CPM: variants seen among roughly 807,000 people sequenced by gnomAD.
CPM encodes the protein renal carboxypeptidase.
Under a neutral mutation model 46.4 loss-of-function variants are expected in CPM, and 35 were observed. The ratio of observed to expected loss-of-function variants is 0.75; its 90% CI spans 0.58 to 1.00. CPM has a LOEUF of 1.00. Among genes scored for constraint, CPM ranks in the 50% least tolerant of loss-of-function variants. The probability of loss-of-function intolerance (pLI) is 0.00; values close to 1 mark genes in which losing one functional copy is unlikely to be tolerated. For missense variants in CPM, 422 were observed against 530.4 expected (o/e 0.80, Z 2.01); for synonymous variants, 195 against 195.3 (o/e 1.00, Z 0.01).
chr12:68,935,955 T>A (rs1888667041), upstream of CPM, among the ~76,000 whole-genome samples: 1 of 152,094 alleles, frequency 6.6e-6, no homozygotes, highest in Non-Finnish European at 1.5e-5. Context: ...GGAATGGAGA[T>A]TGCCAGGATT....
intron 2 of CPM, among the ~76,000 whole-genome samples, chr12:68,918,058 C>T (rs561150903): frequency 1.2e-4 from 18 of 152,282 alleles, no homozygotes; most frequent in African/African-American, 3.6e-4. Context: ...TATATTGAGT[C>T]GTGAGTGAGT....
intron 1 of CPM, among the ~76,000 whole-genome samples, chr12:68,962,105 C>T (rs868381012): frequency 2.0e-5 from 3 of 150,298 alleles, no homozygotes; most frequent in Admixed American, 6.6e-5. Flanking sequence ...GAGGCTGAGG[C>T]AGGAGAATGG....
At chr12:68,861,152 C>T (rs1454206307) in intron 7 of CPM, among the ~76,000 whole-genome samples, 1 of 152,002 alleles carries the variant, frequency 6.6e-6, no homozygotes, top group Non-Finnish European at 1.5e-5. Context: ...TGCTGGAGTG[C>T]AGGGATTATA....
chr12:68,909,227 G>A (rs75782900), intron 2 of CPM, among the ~76,000 whole-genome samples: 3,105 of 152,200 alleles, frequency 0.02, 125 homozygotes, highest in African/African-American at 0.071. Context: ...AAAAATTTTC[G>A]TTAGAGATGG....
chr12:68,843,484 ATC>A (rs1345336066), intron 5 of CPM: 1 of 225,584 alleles, frequency 4.4e-6, no homozygotes, highest in African/African-American at 2.3e-5. Context: ...TAATATAAGT[ATC>A]TCTCAAACTG....
At position 68,852,949 on chromosome 12, in the gene CPM, A is replaced by G. The variant is rs1027343415; in HGVS notation, c.*3488T>C. On this transcript the variant is annotated 3_prime_UTR_variant, in exon 9 of 9. Coordinates refer to ENST00000551568, the MANE Select transcript of CPM (RefSeq NM_198320.5). Reference sequence around the variant, plus strand: ...TTGGTTTCTCTATAAAAGGAATTATAGCTGAACTAGAGCTGGAGGAGCATA... The same window carrying G: ...TTGGTTTCTCTATAAAAGGAATTATGGCTGAACTAGAGCTGGAGGAGCATA... 1 of 152,210 alleles carries G rather than the reference A, an allele frequency of 6.6e-6. No homozygotes were observed. Among genetic ancestry groups the G allele is most frequent in the African/African-American group, 2.4e-5 (1 of 41,420 alleles). 9.4% of individuals were successfully genotyped at this position (152,210 alleles called of 1,614,324 possible).
At chr12:68,864,206 A>G (rs1885331387) in intron 7 of CPM, among the ~76,000 whole-genome samples, 1 of 152,242 alleles carries the variant, frequency 6.6e-6, no homozygotes, top group African/African-American at 2.4e-5. Context: ...GCACTCTGGG[A>G]GGCCGAGGCC....
intron 2 of CPM, among the ~76,000 whole-genome samples, chr12:68,886,415 G>A (rs908773185): frequency 1.3e-5 from 2 of 151,900 alleles, no homozygotes; most frequent in East Asian, 1.9e-4. Context: ...GGCAGATCAC[G>A]AGGTCAGGAG....
At chr12:68,952,247 T>C (rs1338137551) in intron 1 of CPM, among the ~76,000 whole-genome samples, 1 of 152,186 alleles carries the variant, frequency 6.6e-6, no homozygotes, top group Non-Finnish European at 1.5e-5. Context: ...TAGGATAAAA[T>C]ATGGGCCTTC....
At chr12:68,931,654 A>C (rs901175041) in intron 2 of CPM, among the ~76,000 whole-genome samples, 1 of 147,370 alleles carries the variant, frequency 6.8e-6, no homozygotes, top group Non-Finnish European at 1.5e-5. Context: ...CTGAGGCAGG[A>C]GAATTGCTTG....
intron 3 of CPM, among the ~76,000 whole-genome samples, chr12:68,882,866 T>TA (rs1037447389): frequency 3.3e-5 from 5 of 152,112 alleles, no homozygotes. Flanking sequence ...ATTTCTAATT[T>TA]AAAAAAAGAC....
chr12:68,911,903 T>C (rs546891229), intron 2 of CPM: 37 of 152,300 alleles, frequency 2.4e-4, no homozygotes, highest in African/African-American at 8.9e-4. Context: ...TCTCAACCAT[T>C]ATTAAACAGT....
intron 1 of CPM, among the ~76,000 whole-genome samples, chr12:68,944,671 A>T (rs889739792): frequency 6.6e-6 from 1 of 151,628 alleles, no homozygotes; most frequent in Non-Finnish European, 1.5e-5. Flanking sequence ...AAATACAGGA[A>T]TGATAGGCAT....
intron 4 of CPM, 60 bp downstream of exon 4, chr12:68,871,724 C>T: frequency 6.4e-7 from 1 of 1,574,642 alleles, no homozygotes; most frequent in Non-Finnish European, 8.7e-7. Flanking sequence ...CCAACAGGTG[C>T]CTGTCGGGAG....
At chr12:68,962,199 CAAA>C (rs763014081) in intron 1 of CPM, among the ~76,000 whole-genome samples, 1 of 29,490 alleles carries the variant, frequency 3.4e-5, no homozygotes, top group Non-Finnish European at 7.6e-5. Flanking sequence ...GACTCCATCT[CAAA>C]AAAAAAAAAA....
At chr12:68,849,599 G>A (rs143189866), downstream of CPM, 2,551 of 151,516 alleles carry the variant, frequency 0.017, 40 homozygotes, top group Non-Finnish European at 0.027. Context: ...TAGTAGAGAC[G>A]GGGTTTCACC....
intron 1 of CPM, among the ~76,000 whole-genome samples, chr12:68,943,215 C>T (rs1327073665): frequency 6.6e-6 from 1 of 152,208 alleles, no homozygotes; most frequent in Non-Finnish European, 1.5e-5. Flanking sequence ...CACTGCACCT[C>T]TTGGTGCATT....
intron 1 of CPM, among the ~76,000 whole-genome samples, chr12:68,939,529 G>C (rs1349619180): frequency 6.6e-6 from 1 of 151,856 alleles, no homozygotes; most frequent in African/African-American, 2.4e-5. Flanking sequence ...ATTTTCATCT[G>C]TGCAGGACAG....
At chr12:68,928,252 G>T (rs192985363) in intron 2 of CPM, among the ~76,000 whole-genome samples, 17 of 152,164 alleles carry the variant, frequency 1.1e-4, no homozygotes, top group Admixed American at 1.1e-3. Context: ...ACAAACCTGA[G>T]AAAAACAAGC....
Sources: allele counts gnomAD v4.1 joint callset (sites outside exome capture counted in the v4.1 genomes callset), GRCh38; gene constraint gnomAD v4.1.1; transcripts MANE v1.5; gene names NCBI Gene and HGNC (gene_info 2026-07-23, HGNC 2026-07-21).